The following IRS4 variants were observed in gnomAD, a reference collection of about 807,000 sequenced individuals.
IRS4 encodes the protein insulin receptor substrate 4, also known as 160 kDa phosphotyrosine protein.
IRS4 carries 15 observed loss-of-function variants against 48.6 expected under a neutral mutation model. The observed-to-expected ratio is 0.31, with a 90% CI of 0.21 to 0.48. The LOEUF is 0.48. Among genes scored for constraint, IRS4 ranks in the 20% least tolerant of loss-of-function variants. The pLI, the probability that IRS4 is intolerant of heterozygous loss-of-function variation, is 0.99. For synonymous variants in IRS4, 459 were observed against 413.2 expected (o/e 1.11, Z -1.34); for missense variants, 987 against 1,023.4 (o/e 0.96, Z 0.49).
Position 108,720,583 on chromosome X carries a change from T to C in IRS4, c.*1936A>G, listed in dbSNP as rs754907642. Reference sequence around the variant, plus strand: ...ATGCAAATAAAGTGATACAGTATTTTCCCCCAAGTAATCTTTTTTCCCACA... The same window carrying C: ...ATGCAAATAAAGTGATACAGTATTTCCCCCCAAGTAATCTTTTTTCCCACA... On this transcript the variant is annotated 3_prime_UTR_variant, in exon 2 of 2. Coordinates refer to ENST00000372129, the MANE Select transcript of IRS4 (RefSeq NM_001379150.1). 2 of 111,850 alleles carry C rather than the reference T, an allele frequency of 1.8e-5. No homozygotes were observed. The highest frequency in any genetic ancestry group is 9.5e-5 in the Admixed American group (1 of 10,525). 9.2% of individuals were successfully genotyped at this position (111,850 alleles called of 1,213,427 possible). A position where few individuals can be genotyped will look rare whatever the true frequency, so the allele number is the denominator to read the frequency against.
Position 108,733,524 on chromosome X carries a change from G to C in IRS4, c.2821C>G (p.Leu941Val). 1 of 1,212,110 alleles carries C rather than the reference G, an allele frequency of 8.3e-7. No individual in the cohort carries two copies. Among genetic ancestry groups the C allele is most frequent in the Non-Finnish European group, 1.1e-6 (1 of 895,503 alleles). The change falls in exon 1 of 2, where the codon CTA (leucine) becomes GTA (valine). Residue 941 changes from leucine to valine, a missense_variant. Transcript: ENST00000372129. ...GCAATTATGCCCCACGAATCTGGTA[G>C]TCCTTGAGTAGAGGGAGCTGGTGTA... Reference protein sequence around the residue: ...SNTPAPSTQGLPDSWGIIAEP... With the variant: ...SNTPAPSTQGVPDSWGIIAEP...
chrX:108,734,223 C>T lies in IRS4; in HGVS notation c.2122G>A (p.Ala708Thr), dbSNP rs958126901. 1 of 1,211,059 alleles carries T rather than the reference C, an allele frequency of 8.3e-7. No individual in the cohort carries two copies. Residue 708 changes from alanine to threonine, a missense_variant, in exon 1 of 2, where the codon GCC becomes ACC. Ala to Thr is a moderately conservative substitution (Grantham distance 58, BLOSUM62 0). Transcript: ENST00000372129. ...TCACTGGAGCTTACAAGAGGGGTGG[C>T]CACCCCTGGCCTCATTGGCACGTAT... The part of the protein sequence containing the change: ...DPYVPMRPGV[A>T]TPLVSSSDYM...
intron 1 of IRS4, chrX:108,725,763 C>G (rs1460715553): frequency 8.9e-6 from 1 of 111,814 alleles, no homozygotes; most frequent in Non-Finnish European, 1.9e-5. Context: ...CTTCATAGAT[C>G]GGATGATAAA....
rs1286110196 is a variant in IRS4 at position 108,720,462 on chromosome X, C to T, written c.*2057G>A. 1 of 111,991 alleles carries T rather than the reference C, an allele frequency of 8.9e-6. No individual in the cohort carries two copies. The highest frequency in any genetic ancestry group is 1.9e-5 in the Non-Finnish European group (1 of 53,230). The allele number at this position is 111,991 out of a possible 1,213,427, so 9.2% of individuals were successfully genotyped here. A position where few individuals can be genotyped will look rare whatever the true frequency, so the allele number is the denominator to read the frequency against. On this transcript the variant is annotated 3_prime_UTR_variant, in exon 2 of 2. Transcript: ENST00000372129. The stretch of plus-strand genomic sequence containing the variant: ...CCTGTTACTATTTGTATAATACGTA[C>T]TACTGTGTATGAGGTTTCTCATTCA...
chrX:108,732,990 C>T lies in IRS4; in HGVS notation c.3355G>A (p.Ala1119Thr), dbSNP rs940042462. The T allele has an allele frequency of 8.3e-7, 1 of 1,204,107 alleles. No homozygotes were observed. ...GTCGGCTCTGCAGCCGAAGCGACAGCCGGGGCTGAGGATGGGGAAAGGTCT... is the reference window on the plus strand; with the variant it reads ...GTCGGCTCTGCAGCCGAAGCGACAGTCGGGGCTGAGGATGGGGAAAGGTCT... The part of the protein sequence containing the change: ...ERDLSPSSAP[A>T]VASAAEPTLA... The change falls in exon 1 of 2, where the codon GCT (alanine) becomes ACT (threonine). Residue 1119 changes from alanine to threonine, a missense_variant. Physicochemically the swap from Ala to Thr is moderately conservative, Grantham distance 58 (BLOSUM62 0). Transcript: ENST00000372129.
chrX:108,736,267 T>A lies in IRS4; in HGVS notation c.78A>T (p.Leu26=). The A allele has an allele frequency of 8.3e-7, 1 of 1,210,401 alleles. No individual in the cohort carries two copies. The highest frequency in any genetic ancestry group is 1.1e-6 in the Non-Finnish European group (1 of 895,125). Residue 26 remains leucine, a synonymous_variant, in exon 1 of 2, where the codon CTA becomes CTT. Coordinates refer to ENST00000372129, the MANE Select transcript of IRS4 (RefSeq NM_001379150.1). ...GAAGCGGGGTGGTCACCACTGCTGC[T>A]AGAGCTGCCGCTGCCGCCGCTGCTG... The part of the protein sequence containing the change: ...RGAAAAAAAA[L]AAVVTTPLLS...
intron 1 of IRS4, among the ~76,000 whole-genome samples, chrX:108,730,341 C>T (rs1352794751): frequency 2.3e-4 from 24 of 104,477 alleles, no homozygotes; most frequent in Non-Finnish European, 2.0e-4. Context: ...CCGCACCCCC[C>T]CGCCGGCAAT....
rs1450156505 is a variant in IRS4 at position 108,733,513 on chromosome X, C to A, written c.2832G>T (p.Ser944=). The A allele has an allele frequency of 1.7e-6, 2 of 1,211,979 alleles. No individual in the cohort carries two copies. Among genetic ancestry groups the A allele is most frequent in the East Asian group, 5.9e-5 (2 of 33,859 alleles). The change falls in exon 1 of 2, where the codon TCG becomes TCT. Residue 944 remains serine, a synonymous_variant. Transcript: ENST00000372129. ...GTCTGGGTTCAGCAATTATGCCCCACGAATCTGGTAGTCCTTGAGTAGAGG... is the reference window on the plus strand; with the variant it reads ...GTCTGGGTTCAGCAATTATGCCCCAAGAATCTGGTAGTCCTTGAGTAGAGG... ...PAPSTQGLPD[S]WGIIAEPRQS...
Position 108,733,532 on chromosome X carries a change from G to A in IRS4, c.2813C>T (p.Thr938Ile). 1 of 1,211,932 alleles carries A rather than the reference G, an allele frequency of 8.3e-7. No individual in the cohort carries two copies. Among genetic ancestry groups the A allele is most frequent in the Non-Finnish European group, 1.1e-6 (1 of 895,331 alleles). Residue 938 changes from threonine (T) to isoleucine (I), a missense_variant, in exon 1 of 2, where the codon ACT becomes ATT. Thr to Ile is a moderately conservative substitution (Grantham distance 89, BLOSUM62 -1). This residue lies in a region of IRS4 where 720 missense variants were observed against 660.3 expected (regional missense o/e 1.09). Coordinates refer to ENST00000372129, the MANE Select transcript of IRS4 (RefSeq NM_001379150.1). The stretch of plus-strand genomic sequence containing the variant: ...GCCCCACGAATCTGGTAGTCCTTGA[G>A]TAGAGGGAGCTGGTGTATTGCTCTC... Reference protein sequence around the residue: ...KRESNTPAPSTQGLPDSWGII... With the variant: ...KRESNTPAPSIQGLPDSWGII...
In IRS4 at chrX:108,736,202, G is replaced by T; in HGVS notation, c.143C>A (p.Ser48Ter). Residue 48 changes from serine to a stop codon, truncating the protein, a stop_gained, in exon 1 of 2, where the codon TCG (serine) becomes TAG (stop). Transcript: ENST00000372129. LOFTEE classifies it high-confidence loss of function. The stretch of plus-strand genomic sequence containing the variant: ...GAGCCACATGGCTCCCGGACAAGAC[G>T]ACCCGGTCCCAATGAGTGCGGTCGG... ...GTPTALIGTG[S>*]SCPGAMWLST... 1.7e-6 allele frequency: 2 copies of T among 1,210,325 alleles called. No homozygotes were observed. The highest frequency in any genetic ancestry group is 2.2e-6 in the Non-Finnish European group (2 of 895,010).
At position 108,736,189 on chromosome X, in the gene IRS4, T is replaced by C. The variant is rs2068951760; in HGVS notation, c.156A>G (p.Gly52=). Residue 52 remains glycine, a synonymous_variant, in exon 1 of 2, where the codon GGA becomes GGG. Transcript: ENST00000372129. The stretch of plus-strand genomic sequence containing the variant: ...CAGTGGCCGTGGAGAGCCACATGGC[T>C]CCCGGACAAGACGACCCGGTCCCAA... ...ALIGTGSSCP[G]AMWLSTATGS... The C allele has an allele frequency of 8.3e-7, 1 of 1,209,739 alleles. No homozygotes were observed. The highest frequency in any genetic ancestry group is 1.1e-6 in the Non-Finnish European group (1 of 894,889).
At position 108,734,258 on chromosome X, in the gene IRS4, T is replaced by G. The variant is rs748440772; in HGVS notation, c.2087A>C (p.Glu696Ala). 3 of 1,211,478 alleles carry G rather than the reference T, an allele frequency of 2.5e-6. No individual in the cohort carries two copies. Among genetic ancestry groups the G allele is most frequent in the Non-Finnish European group, 3.4e-6 (3 of 895,398 alleles). Residue 696 changes from glutamate (E) to alanine (A), a missense_variant, in exon 1 of 2, where the codon GAG becomes GCG. By Grantham distance (107) the Glu-to-Ala change is moderately radical. Transcript: ENST00000372129. ...CCTCATTGGCACGTATGGGTCATCC[T>G]CATCTTCATCAAAAGCTCTGGCTCT... ...PHRARAFDEDEDDPYVPMRPG... is the reference protein window; with the variant it reads ...PHRARAFDEDADDPYVPMRPG...
intron 1 of IRS4, chrX:108,724,599 C>T (rs921885319): frequency 5.4e-5 from 6 of 111,691 alleles, no homozygotes; most frequent in African/African-American, 1.3e-4. Context: ...AACTCAGAAG[C>T]TTGCTGGGTG....
chrX:108,733,888 A>G lies in IRS4; in HGVS notation c.2457T>C (p.Pro819=). ...ACTCACTGTTGTCATTCTGTCCCAA[A>G]GGTGAGCTCCGAAAAGGGTTTGGTA... The part of the protein sequence containing the change: ...FSLPNPFRSS[P]LGQNDNSEYV... Residue 819 remains proline (P), a synonymous_variant, in exon 1 of 2, where the codon CCT becomes CCC. Coordinates refer to ENST00000372129, the MANE Select transcript of IRS4 (RefSeq NM_001379150.1). 1 of 1,211,730 alleles carries G rather than the reference A, an allele frequency of 8.3e-7. No homozygotes were observed. The highest frequency in any genetic ancestry group is 1.1e-6 in the Non-Finnish European group (1 of 895,505).
intron 1 of IRS4, 154 bp from the exon 2 acceptor site, chrX:108,722,677 A>T (rs1336907819): frequency 4.3e-6 from 1 of 230,405 alleles, no homozygotes; most frequent in East Asian, 1.1e-4. Context: ...GGGCATGGAC[A>T]TGGTTAATCA....
At position 108,735,976 on chromosome X, in the gene IRS4, G is replaced by A. The variant is rs940977421; in HGVS notation, c.369C>T (p.Arg123=). ...CCGCCGCTGCTGCAGCCGCCGCGGC[G>A]CGGACACTGTGCCGGAACTTCCTGG... ...ENARKFRHSV[R]AAAAAAAAAA... is the part of the protein sequence containing the mutation. The change falls in exon 1 of 2, where the codon CGC becomes CGT. Residue 123 remains arginine (R), a synonymous_variant. Transcript: ENST00000372129. The A allele has an allele frequency of 4.2e-5, 51 of 1,206,383 alleles. No homozygotes were observed. Among genetic ancestry groups the A allele is most frequent in the Non-Finnish European group, 5.5e-5 (49 of 893,758 alleles).
At chrX:108,722,865 AT>A (rs1318121334) in intron 1 of IRS4, 4 of 120,628 alleles carry the variant, frequency 3.3e-5, no homozygotes, top group Admixed American at 8.6e-5. Context: ...AGAGAAACAG[AT>A]TTTTTTCTTC....
intron 1 of IRS4, chrX:108,723,448 C>T (rs1425153591): frequency 1.8e-5 from 2 of 112,142 alleles, no homozygotes; most frequent in African/African-American, 6.5e-5. Flanking sequence ...CCCACCCAGA[C>T]TCCTGGGCTC....
chrX:108,722,659 G>A, intron 1 of IRS4, 136 bp from the exon 2 acceptor site: 2 of 235,908 alleles, frequency 8.5e-6, no homozygotes, highest in Admixed American at 1.0e-4. Flanking sequence ...ATACAGAGGA[G>A]ACTGCCTGGG....
Sources: allele counts gnomAD v4.1 joint callset (sites outside exome capture counted in the v4.1 genomes callset), GRCh38; gene constraint gnomAD v4.1.1; regional missense constraint gnomAD v4.1.1; transcripts MANE v1.5; gene names NCBI Gene and HGNC (gene_info 2026-07-23, HGNC 2026-07-21).